Variants in SLC5A3 observed in about 807,000 individuals in gnomAD.
SLC5A3 encodes sodium/myo-inositol cotransporter.
A neutral mutation model predicts 43.2 loss-of-function variants in SLC5A3; 10 were observed. That is an observed-to-expected ratio of 0.23 (90% CI 0.14 to 0.39). The LOEUF (loss-of-function observed/expected upper bound fraction) is 0.39. Ranked by LOEUF, SLC5A3 falls within the 10% of genes least tolerant of loss-of-function variation. The probability of loss-of-function intolerance (pLI) is 1.00; values close to 1 mark genes in which losing one functional copy is unlikely to be tolerated. For synonymous variants in SLC5A3, 349 were observed against 322.0 expected, an observed-to-expected ratio of 1.08 and a Z score of -0.90; for missense variants, 608 against 893.4, an observed-to-expected ratio of 0.68 and a Z score of 4.07.
chr21:34,074,376 C>T (rs191241783), intron 1 of SLC5A3, among the ~76,000 whole-genome samples: 55 of 152,348 alleles, frequency 3.6e-4, no homozygotes, highest in Non-Finnish European at 6.3e-4. Flanking sequence ...AGCGAAAATC[C>T]CGCTCCGGGT....
intron 1 of SLC5A3, among the ~76,000 whole-genome samples, chr21:34,076,020 G>A (rs190147777): frequency 5.6e-4 from 85 of 152,262 alleles, no homozygotes; most frequent in African/African-American, 1.9e-3. Flanking sequence ...TATCTTCCAC[G>A]TTTTTAGATT....
At position 34,100,224 on chromosome 21, in the gene SLC5A3, T is replaced by G. The variant is rs1235656597; in HGVS notation, c.*2869T>G. On this transcript the variant is annotated 3_prime_UTR_variant, in exon 2 of 2. Coordinates refer to ENST00000381151, the MANE Select transcript of SLC5A3 (RefSeq NM_006933.7). ...ACCAGGTGTTAATGGTATCCCCAGT[T>G]CTTAGACTTTTGTCTTCTCAGGCAA... The G allele has an allele frequency of 6.0e-6, 6 of 1,000,262 alleles. No individual in the cohort carries two copies. Among genetic ancestry groups the G allele is most frequent in the Non-Finnish European group, 7.2e-6 (6 of 829,980 alleles). The allele number at this position is 1,000,262 out of a possible 1,614,324, so 62.0% of individuals were successfully genotyped here. A position where few individuals can be genotyped will look rare whatever the true frequency, so the allele number is the denominator to read the frequency against.
rs1979157919 is a variant in SLC5A3, at chr21:34,099,915, A to C, written c.*2560A>C. On this transcript the variant is annotated 3_prime_UTR_variant, in exon 2 of 2. Transcript: ENST00000381151. ...GCTCGAGTAAGTTTGTGAATTGCTG[A>C]TTGCAACTTAATTCAGGGACCAGTC... The C allele has an allele frequency of 1.1e-5, 4 of 350,096 alleles. No individual in the cohort carries two copies. Among genetic ancestry groups the C allele is most frequent in the Non-Finnish European group, 1.7e-5 (4 of 235,982 alleles). The allele number at this position is 350,096 out of a possible 1,614,324, so 21.7% of individuals were successfully genotyped here.
intron 1 of SLC5A3, among the ~76,000 whole-genome samples, chr21:34,076,202 G>GT (rs537381091): frequency 9.5e-4 from 144 of 152,254 alleles, no homozygotes; most frequent in Non-Finnish European, 1.6e-3. Flanking sequence ...CTGCTCTCCT[G>GT]TTTTTTCTCC....
intron 1 of SLC5A3, among the ~76,000 whole-genome samples, chr21:34,074,616 C>A (rs1989280075): frequency 6.6e-6 from 1 of 152,216 alleles, no homozygotes; most frequent in South Asian, 2.1e-4. Flanking sequence ...CTCAAGTCGT[C>A]GCCGAAATCC....
intron 1 of SLC5A3, among the ~76,000 whole-genome samples, chr21:34,084,006 C>T (rs755839914): frequency 6.6e-5 from 10 of 152,188 alleles, no homozygotes; most frequent in Non-Finnish European, 1.3e-4. Flanking sequence ...GAAAATCCAG[C>T]TGCCTTTATA....
rs1042027116 is a variant in SLC5A3, at chr21:34,105,327, T to G, written c.*7972T>G. 1.0e-6 allele frequency: 1 copy of G among 998,984 alleles called. No homozygotes were observed. The highest frequency in any genetic ancestry group is 4.7e-5 in the South Asian group (1 of 21,282). The allele number at this position is 998,984 out of a possible 1,614,324, so 61.9% of individuals were successfully genotyped here. On this transcript the variant is annotated 3_prime_UTR_variant, in exon 2 of 2. Transcript: ENST00000381151. ...GCTTTCTTTTTTCTTTTTGATAAGA[T>G]GGATATCAAAAATAGTTGCTGTGCA...
Position 34,096,482 on chromosome 21 carries a change from C to A in SLC5A3, c.1284C>A (p.Ile428=), listed in dbSNP as rs1291815017. The A allele has an allele frequency of 1.3e-5, 21 of 1,614,014 alleles. No homozygotes were observed. The highest frequency in any genetic ancestry group is 1.8e-5 in the Non-Finnish European group (21 of 1,180,020). ...MVVISIAWVP[I]IVEMQGGQMY... is the part of the protein sequence containing the mutation. Reference sequence around the variant, plus strand: ...TGATCAGCATAGCATGGGTGCCAATCATCGTGGAGATGCAAGGAGGCCAGA... The same window carrying A: ...TGATCAGCATAGCATGGGTGCCAATAATCGTGGAGATGCAAGGAGGCCAGA... The change falls in exon 2 of 2, where the codon ATC becomes ATA. Residue 428 remains isoleucine, a synonymous_variant. Transcript: ENST00000381151. The surrounding 1 kb of genome is among the most constrained non-coding windows in gnomAD (Gnocchi z 5.9).
intron 1 of SLC5A3, among the ~76,000 whole-genome samples, chr21:34,093,950 C>A (rs541799636): frequency 2.4e-4 from 37 of 152,064 alleles, no homozygotes; most frequent in Non-Finnish European, 4.6e-4. Flanking sequence ...CTTCTGAAAA[C>A]TTTTCTCCTC....
In SLC5A3 at chr21:34,103,116, T is replaced by A; in HGVS notation, c.*5761T>A. ...TAATTGGAAACAGAAACGAGGCTTA[T>A]TGCTATTGCAGAAATCCCAAACTGG... On this transcript the variant is annotated 3_prime_UTR_variant, in exon 2 of 2. Coordinates refer to ENST00000381151, the MANE Select transcript of SLC5A3 (RefSeq NM_006933.7). The A allele has an allele frequency of 1.0e-6, 1 of 1,000,132 alleles. No individual in the cohort carries two copies. Among genetic ancestry groups the A allele is most frequent in the Non-Finnish European group, 1.2e-6 (1 of 829,930 alleles). The allele number at this position is 1,000,132 out of a possible 1,614,324, so 62.0% of individuals were successfully genotyped here. A position where few individuals can be genotyped will look rare whatever the true frequency, so the allele number is the denominator to read the frequency against.
chr21:34,078,988 ATGTC>A (rs760278903), intron 1 of SLC5A3, among the ~76,000 whole-genome samples: 1 of 152,240 alleles, frequency 6.6e-6, no homozygotes, highest in African/African-American at 2.4e-5. Context: ...AGTCAAATGA[ATGTC>A]TGGTAAGTTA....
At chr21:34,090,294 A>T (rs16991185) in intron 1 of SLC5A3, among the ~76,000 whole-genome samples, 1 of 152,214 alleles carries the variant, frequency 6.6e-6, no homozygotes, top group African/African-American at 2.4e-5. Context: ...GGACAGTCCT[A>T]TGTGAGTACA....
intron 1 of SLC5A3, among the ~76,000 whole-genome samples, chr21:34,076,985 G>A (rs1361557978): frequency 6.6e-6 from 1 of 152,200 alleles, no homozygotes; most frequent in African/African-American, 2.4e-5. Flanking sequence ...TTCAGTGTGA[G>A]GAAGACCTCT....
chr21:34,077,336 A>C (rs1989357186), intron 1 of SLC5A3, among the ~76,000 whole-genome samples: 1 of 152,208 alleles, frequency 6.6e-6, no homozygotes, highest in African/African-American at 2.4e-5. Context: ...TGAGGAAAGA[A>C]ATCTGTGCAA....
chr21:34,079,602 A>ATTTT (rs398036389), intron 1 of SLC5A3, among the ~76,000 whole-genome samples: 838 of 43,674 alleles, frequency 0.019, 74 homozygotes, highest in African/African-American at 0.057. Flanking sequence ...GACCCAGCTA[A>ATTTT]TTTTTTTTTT....
intron 1 of SLC5A3, among the ~76,000 whole-genome samples, chr21:34,086,467 G>A (rs1978383141): frequency 6.6e-6 from 1 of 151,760 alleles, no homozygotes; most frequent in Non-Finnish European, 1.5e-5. Context: ...TAGTCCTTTT[G>A]CATCAGTTAG....
Position 34,100,523 on chromosome 21 carries a change from C to T in SLC5A3, c.*3168C>T. 1 of 1,000,254 alleles carries T rather than the reference C, an allele frequency of 1.0e-6. No individual in the cohort carries two copies. Among genetic ancestry groups the T allele is most frequent in the African/African-American group, 1.7e-5 (1 of 57,366 alleles). The allele number at this position is 1,000,254 out of a possible 1,614,324, so 62.0% of individuals were successfully genotyped here. A position where few individuals can be genotyped will look rare whatever the true frequency, so the allele number is the denominator to read the frequency against. On this transcript the variant is annotated 3_prime_UTR_variant, in exon 2 of 2. Transcript: ENST00000381151. ...CAATAGATCTCATCTCCTAGGGCTT[C>T]CTTTTCACTTGGCTCAAAGGATCCA...
Position 34,102,972 on chromosome 21 carries a change from A to T in SLC5A3, c.*5617A>T. 1.0e-6 allele frequency: 1 copy of T among 998,996 alleles called. No individual in the cohort carries two copies. Among genetic ancestry groups the T allele is most frequent in the Non-Finnish European group, 1.2e-6 (1 of 828,932 alleles). 61.9% of individuals were successfully genotyped at this position (998,996 alleles called of 1,614,324 possible). Reference sequence around the variant, plus strand: ...CCTGTTTCCTAGTGCTGCTGGATAAAAGAGTGTTTACTTTTTATTGCTCTT... The same window carrying T: ...CCTGTTTCCTAGTGCTGCTGGATAATAGAGTGTTTACTTTTTATTGCTCTT... On this transcript the variant is annotated 3_prime_UTR_variant, in exon 2 of 2. Transcript: ENST00000381151.
At chr21:34,074,129 C>T (rs1389819534) in intron 1 of SLC5A3, among the ~76,000 whole-genome samples, 2 of 148,956 alleles carry the variant, frequency 1.3e-5, no homozygotes, top group African/African-American at 4.9e-5. Flanking sequence ...CGGCCCGTCC[C>T]CGCCAGTCGT....
Sources: gnomAD v4.1 joint callset for allele counts (sites outside exome capture counted in the v4.1 genomes callset) on GRCh38, gnomAD v4.1.1 for gene constraint, Gnocchi (gnomAD v3.1) non-coding constraint, MANE v1.5 for transcripts, NCBI Gene and HGNC (gene_info 2026-07-23, HGNC 2026-07-21) for gene names.